Variants in SMARCA1 observed in about 807,000 individuals in gnomAD.
SMARCA1 encodes SWI/SNF-related matrix-associated actin-dependent regulator of chromatin subfamily A member 1.
A neutral mutation model predicts 93.6 loss-of-function variants in SMARCA1; 17 were observed. The observed-to-expected ratio is 0.18, with a 90% CI of 0.12 to 0.27. The LOEUF is 0.27. SMARCA1 is among the 10% of genes least tolerant of loss of function. SMARCA1 has a pLI of 1.00. For synonymous variants in SMARCA1, 271 were observed against 271.4 expected, an observed-to-expected ratio of 1.00 and a Z score of 0.01; for missense variants, 630 against 819.0, an observed-to-expected ratio of 0.77 and a Z score of 2.82.
intron 5 of SMARCA1, 97 bp downstream of exon 5, chrX:129,515,590 C>T: frequency 1.8e-6 from 1 of 553,149 alleles, no homozygotes; most frequent in Non-Finnish European, 3.1e-6. Context: ...TTTTAAAAAG[C>T]CTCCAGGCAT....
chrX:129,486,971 G>A (rs1933919148), intron 17 of SMARCA1, 47 bp downstream of exon 17: 2 of 1,064,561 alleles, frequency 1.9e-6, no homozygotes, highest in Non-Finnish European at 2.5e-6. Context: ...ATTGTTATGG[G>A]GAGAAATGCT....
intron 23 of SMARCA1, among the ~76,000 whole-genome samples, chrX:129,456,228 A>G (rs1821693358): frequency 8.9e-6 from 1 of 111,827 alleles, no homozygotes; most frequent in African/African-American, 3.3e-5. Context: ...CTGGGGTGAC[A>G]GCACTATTTA....
chrX:129,523,338 G>A lies in SMARCA1; in HGVS notation c.33C>T (p.Thr11=), dbSNP rs1430939118. 2.5e-6 allele frequency: 3 copies of A among 1,196,316 alleles called. No individual in the cohort carries two copies. The highest frequency in any genetic ancestry group is 2.4e-4 in the Middle Eastern group (1 of 4,218). The change falls in exon 1 of 25, where the codon ACC becomes ACT. Residue 11 remains threonine (T), a synonymous_variant. Transcript: ENST00000371121. ...TGGCGGTCGCATCCGCGGCTGCCACGGTGGCTGCCACTGCGGCAGTGTCCT... is the reference window on the plus strand; with the variant it reads ...TGGCGGTCGCATCCGCGGCTGCCACAGTGGCTGCCACTGCGGCAGTGTCCT... The part of the protein sequence containing the change: MEQDTAAVAA[T]VAAADATATI...
At position 129,457,062 on chromosome X, in the gene SMARCA1, T is replaced by C. The variant is rs1299761170; in HGVS notation, c.3030+8458A>G. Among the ~76,000 whole-genome samples the C allele has an allele frequency of 5.4e-5, 6 of 111,685 alleles. No homozygotes were observed. The Admixed American group carries it at 5.7e-4, about 11-fold the overall frequency. ...AATGTGGCACACTTCATTGTTGTCTTCTCTGAAGAAATTGCCACAGCCACC... is the reference window on the plus strand; with the variant it reads ...AATGTGGCACACTTCATTGTTGTCTCCTCTGAAGAAATTGCCACAGCCACC... On this transcript the variant is annotated intron_variant, in intron 23 of 24. Transcript: ENST00000371121.
chrX:129,512,950 C>A (rs1346598704), intron 5 of SMARCA1, among the ~76,000 whole-genome samples: 1 of 111,346 alleles, frequency 9.0e-6, no homozygotes, highest in Non-Finnish European at 1.9e-5. Context: ...TATGGTACCG[C>A]CCAAGGATTA....
intron 5 of SMARCA1, among the ~76,000 whole-genome samples, chrX:129,513,015 A>G (rs997994070): frequency 2.3e-4 from 26 of 112,323 alleles, no homozygotes; most frequent in Non-Finnish European, 4.5e-4. Flanking sequence ...GAACATATGT[A>G]TGAATGTAAA....
chrX:129,490,972 C>T (rs775305347), intron 14 of SMARCA1, among the ~76,000 whole-genome samples: 2 of 111,871 alleles, frequency 1.8e-5, no homozygotes, highest in Admixed American at 9.5e-5. Context: ...AAGACTTCTA[C>T]GGAAATGAAG....
intron 1 of SMARCA1, among the ~76,000 whole-genome samples, chrX:129,522,468 G>A (rs781564914): frequency 2.8e-4 from 29 of 102,561 alleles, no homozygotes; most frequent in African/African-American, 1.0e-3. Flanking sequence ...GGCAGAAGAG[G>A]GTGAGGGTGC....
chrX:129,451,995 G>A (rs1042654981), intron 23 of SMARCA1, among the ~76,000 whole-genome samples: 4 of 111,786 alleles, frequency 3.6e-5, no homozygotes, highest in South Asian at 3.7e-4. Flanking sequence ...GAGCCACCAC[G>A]CCCAGCCTCC....
At position 129,465,875 on chromosome X, in the gene SMARCA1, C is replaced by T. The variant is rs201847976; in HGVS notation, c.2786G>A (p.Arg929Lys). Residue 929 changes from arginine (R) to lysine (K), a missense_variant, in exon 22 of 25, where the codon AGG (arginine) becomes AAG (lysine). Arg to Lys is a conservative substitution (Grantham distance 26). Transcript: ENST00000371121. ...IERGEARIQR[R>K]ISIKKALDAK... Reference sequence around the variant, plus strand: ...ATCCAGGGCTTTCTTGATACTGATCCTTCGTTGAATTCTTGCTTCTCCACG... The same window carrying T: ...ATCCAGGGCTTTCTTGATACTGATCTTTCGTTGAATTCTTGCTTCTCCACG... 2.3e-5 allele frequency: 27 copies of T among 1,176,319 alleles called. No individual in the cohort carries two copies. The highest frequency in any genetic ancestry group is 3.0e-5 in the Non-Finnish European group (26 of 876,486).
At chrX:129,499,563 G>A (rs947249096) in intron 10 of SMARCA1, among the ~76,000 whole-genome samples, 169 bp downstream of exon 10, 1 of 111,870 alleles carries the variant, frequency 8.9e-6, no homozygotes, top group Non-Finnish European at 1.9e-5. Context: ...TTTTCAAAGG[G>A]TTAAATAAAA....
intron 19 of SMARCA1, among the ~76,000 whole-genome samples, chrX:129,471,701 C>T (rs979535621): frequency 5.4e-5 from 6 of 111,961 alleles, no homozygotes; most frequent in East Asian, 2.8e-4. Context: ...GAAGTGGCAA[C>T]GCACCTGAAC....
chrX:129,452,910 A>T (rs1932379836), intron 23 of SMARCA1, among the ~76,000 whole-genome samples: 1 of 112,122 alleles, frequency 8.9e-6, no homozygotes, highest in South Asian at 3.7e-4. Flanking sequence ...TCTGTGTCAC[A>T]TGTTGGTAAT....
intron 19 of SMARCA1, among the ~76,000 whole-genome samples, chrX:129,476,727 C>G (rs770177546): frequency 2.8e-3 from 319 of 112,099 alleles, no homozygotes; most frequent in African/African-American, 9.9e-3. Flanking sequence ...GCTCTATTTA[C>G]TTTGTGGCCC....
intron 20 of SMARCA1, among the ~76,000 whole-genome samples, chrX:129,469,122 A>C (rs745310785): frequency 1.8e-5 from 2 of 112,338 alleles, no homozygotes; most frequent in South Asian, 3.7e-4. Context: ...ATGTTGATAC[A>C]TAGTTCGAAG....
chrX:129,468,637 C>T, intron 21 of SMARCA1, 136 bp downstream of exon 21: 1 of 393,899 alleles, frequency 2.5e-6, no homozygotes, highest in Non-Finnish European at 4.3e-6. Context: ...CATAGAAATA[C>T]AATTATAGTT....
intron 1 of SMARCA1, among the ~76,000 whole-genome samples, chrX:129,519,388 G>C (rs1177533541): frequency 8.9e-6 from 1 of 111,937 alleles, no homozygotes; most frequent in Admixed American, 9.5e-5. Flanking sequence ...TTGCATAAGA[G>C]AAAACACAAA....
rs1332184747 is a variant in SMARCA1, at chrX:129,515,526, C to CA, written c.630+160dup. 3.6e-5 allele frequency among the ~76,000 whole-genome samples: 4 copies of CA among 110,558 alleles called. No individual in the cohort carries two copies. In the East Asian group the frequency reaches 8.4e-4, roughly 23 times the overall value. ...CTGGAAACACAAAGAGATCCTCTCT[C>CA]AAAAAAATAATAATAATTCTAAGAC... is the stretch of plus-strand genomic sequence containing the variant. On this transcript the variant is annotated intron_variant, in intron 5 of 24. Coordinates refer to ENST00000371121, the MANE Select transcript of SMARCA1 (RefSeq NM_001282874.2).
At chrX:129,518,129 A>C (rs1454935708) in intron 2 of SMARCA1, among the ~76,000 whole-genome samples, 2 of 111,697 alleles carry the variant, frequency 1.8e-5, no homozygotes, top group Non-Finnish European at 3.8e-5. Context: ...TGTGACTTCT[A>C]GTCCTAACTA....
Sources: allele counts gnomAD v4.1 joint callset (sites outside exome capture counted in the v4.1 genomes callset), GRCh38; gene constraint gnomAD v4.1.1; transcripts MANE v1.5; gene names NCBI Gene and HGNC (gene_info 2026-07-23, HGNC 2026-07-21).